Variants in CELF1 observed in about 807,000 individuals in gnomAD.
CELF1 encodes the protein CUGBP Elav-like family member 1, also known as 50 kDa nuclear polyadenylated RNA-binding protein.
CELF1 carries 10 observed loss-of-function variants against 61.8 expected under a neutral mutation model. That is an observed-to-expected ratio of 0.16 (90% CI 0.10 to 0.27). CELF1 has a LOEUF of 0.27. CELF1 is among the 10% of genes least tolerant of loss of function. The pLI is 1.00. For missense variants in CELF1, 380 were observed against 639.1 expected (o/e 0.59, Z 4.37); for synonymous variants, 236 against 225.1 (o/e 1.05, Z -0.43).
At chr11:47,474,341 T>A (rs377089117) in intron 13 of CELF1, among the ~76,000 whole-genome samples, 20 of 152,152 alleles carry the variant, frequency 1.3e-4, no homozygotes, top group African/African-American at 4.8e-4. Context: ...TATGCCCCTG[T>A]TACTCTTCTT....
intron 1 of CELF1, among the ~76,000 whole-genome samples, chr11:47,537,761 T>G (rs1033013825): frequency 6.6e-5 from 10 of 152,054 alleles, no homozygotes; most frequent in African/African-American, 2.4e-4. Flanking sequence ...AGACATGGAG[T>G]AGTCAACAAA....
intron 1 of CELF1, among the ~76,000 whole-genome samples, chr11:47,508,001 C>T (rs753381891): frequency 2.0e-4 from 31 of 152,100 alleles, no homozygotes; most frequent in Non-Finnish European, 3.8e-4. Context: ...TTACTAAGTT[C>T]ACAAACTTCA....
At chr11:47,539,441 C>T (rs567931678) in intron 1 of CELF1, among the ~76,000 whole-genome samples, 1 of 152,172 alleles carries the variant, frequency 6.6e-6, no homozygotes, top group South Asian at 2.1e-4. Context: ...CACCTGAGGT[C>T]GGGAGTTCGA....
At position 47,470,466 on chromosome 11, in the gene CELF1, G is replaced by A. The variant is rs2077445273; in HGVS notation, c.*1764C>T. ...TCAGCTTAAGAAGTGTATGTTTCACGTTCCTTAGAGGACAACAGACCCAAG... is the reference window on the plus strand; with the variant it reads ...TCAGCTTAAGAAGTGTATGTTTCACATTCCTTAGAGGACAACAGACCCAAG... On this transcript the variant is annotated 3_prime_UTR_variant, in exon 15 of 15. Transcript: ENST00000687097. 1 of 152,022 alleles carries A rather than the reference G, an allele frequency of 6.6e-6. No homozygotes were observed. The highest frequency in any genetic ancestry group is 2.4e-5 in the African/African-American group (1 of 41,378). The allele number at this position is 152,022 out of a possible 1,614,324, so 9.4% of individuals were successfully genotyped here. A position where few individuals can be genotyped will look rare whatever the true frequency, so the allele number is the denominator to read the frequency against.
chr11:47,537,843 A>G (rs982001482), intron 1 of CELF1, among the ~76,000 whole-genome samples: 1 of 151,982 alleles, frequency 6.6e-6, no homozygotes, highest in Non-Finnish European at 1.5e-5. Context: ...AATTTCCTCT[A>G]TGCACAGCAC....
At chr11:47,488,646 C>A (rs534606172) in intron 4 of CELF1, among the ~76,000 whole-genome samples, 191 bp downstream of exon 4, 3 of 152,156 alleles carry the variant, frequency 2.0e-5, no homozygotes, top group Non-Finnish European at 4.4e-5. Context: ...CAAGATATTA[C>A]TACTATAAAA....
chr11:47,473,009 G>C, intron 14 of CELF1, 79 bp downstream of exon 14: 1 of 1,498,832 alleles, frequency 6.7e-7, no homozygotes, highest in Non-Finnish European at 9.0e-7. Context: ...CTCATATTCA[G>C]ATCTTTCTGC....
At chr11:47,492,218 G>C (rs377320852) in intron 3 of CELF1, among the ~76,000 whole-genome samples, 3 of 152,048 alleles carry the variant, frequency 2.0e-5, no homozygotes, top group Non-Finnish European at 4.4e-5. Flanking sequence ...GGGCTCAAAC[G>C]ATTCTCCCAC....
At chr11:47,486,456 C>A (rs1003067543) in intron 6 of CELF1, among the ~76,000 whole-genome samples, 1 of 151,584 alleles carries the variant, frequency 6.6e-6, no homozygotes, top group Non-Finnish European at 1.5e-5. Flanking sequence ...GTTGCCTGGG[C>A]GGGAGTACAC....
rs2080719287 is a variant in CELF1 at position 47,477,335 on chromosome 11, G to C, written c.935C>G (p.Thr312Ser). ...QNTPSGTNAL[T>S]TSSSPLSVLT... ...CACGCTGAGGGGACTGCTGGATGTA[G>C]TGAGAGCATTGGTACCACTTGGTGT... The change falls in exon 11 of 15, where the codon ACT (threonine) becomes AGT (serine). Residue 312 changes from threonine to serine, a missense_variant. Transcript: ENST00000687097. 1.2e-6 allele frequency: 2 copies of C among 1,614,142 alleles called. No homozygotes were observed. The highest frequency in any genetic ancestry group is 1.7e-6 in the Non-Finnish European group (2 of 1,179,990).
At chr11:47,505,857 C>A (rs891725147) in intron 1 of CELF1, among the ~76,000 whole-genome samples, 3 of 149,434 alleles carry the variant, frequency 2.0e-5, no homozygotes, top group Non-Finnish European at 4.5e-5. Flanking sequence ...ATTGCCTGAA[C>A]CCAGGAGGCA....
intron 4 of CELF1, among the ~76,000 whole-genome samples, chr11:47,488,633 T>G (rs375849643): frequency 3.3e-5 from 5 of 152,300 alleles, no homozygotes; most frequent in African/African-American, 1.2e-4. Flanking sequence ...TATGTTTGGA[T>G]TACAAGATAT....
chr11:47,514,216 T>C (rs531018413), intron 1 of CELF1, among the ~76,000 whole-genome samples: 2 of 152,102 alleles, frequency 1.3e-5, no homozygotes, highest in Admixed American at 6.6e-5. Context: ...TGAGCCACCA[T>C]GTCTGGCCTC....
intron 1 of CELF1, among the ~76,000 whole-genome samples, chr11:47,505,629 T>G (rs1597260047): frequency 2.5e-5 from 3 of 121,332 alleles, no homozygotes; most frequent in East Asian, 2.4e-4. Context: ...GCTGACAGAG[T>G]GAGACTCTGT....
intron 9 of CELF1, chr11:47,482,482 A>C (rs955331433): frequency 5.4e-6 from 2 of 370,892 alleles, no homozygotes; most frequent in Admixed American, 4.5e-5. Context: ...AAAAGCCTCA[A>C]GATATAACCA....
At chr11:47,551,323 T>C (rs939103744) in intron 1 of CELF1, among the ~76,000 whole-genome samples, 18 of 152,152 alleles carry the variant, frequency 1.2e-4, no homozygotes, top group African/African-American at 3.4e-4. Context: ...AAAGAACCAC[T>C]AGGGGAACCA....
intron 2 of CELF1, among the ~76,000 whole-genome samples, chr11:47,558,977 ATG>A: frequency 7.1e-6 from 1 of 140,328 alleles, no homozygotes; most frequent in African/African-American, 2.6e-5. Context: ...TATATTATAT[ATG>A]TTATATATAG....
chr11:47,541,865 A>G (rs1291070798), intron 1 of CELF1, among the ~76,000 whole-genome samples: 3 of 152,026 alleles, frequency 2.0e-5, no homozygotes, highest in East Asian at 1.9e-4. Context: ...TTCGAAATTA[A>G]AAGTATAACA....
chr11:47,476,930 T>G lies in CELF1; in HGVS notation c.1003A>C (p.Asn335His). 6.2e-7 allele frequency: 1 copy of G among 1,614,188 alleles called. No homozygotes were observed. The change falls in exon 12 of 15, where the codon AAT becomes CAT. Residue 335 changes from asparagine (N) to histidine (H), a missense_variant. Transcript: ENST00000687097. ...AGSSPSSSSS[N>H]SVNPIASLGA... ...AGTGAGGCTATGGGGTTGACAGAATTACTGCTGCTAGAGCTAGGTGAGGAC... is the reference window on the plus strand; with the variant it reads ...AGTGAGGCTATGGGGTTGACAGAATGACTGCTGCTAGAGCTAGGTGAGGAC...
Sources: gnomAD v4.1 joint callset for allele counts (sites outside exome capture counted in the v4.1 genomes callset) on GRCh38, gnomAD v4.1.1 for gene constraint, MANE v1.5 for transcripts, NCBI Gene and HGNC (gene_info 2026-07-23, HGNC 2026-07-21) for gene names.